Variants in GABRA1 observed in about 807,000 individuals in gnomAD.
The protein encoded by GABRA1 is gamma-aminobutyric acid receptor subunit alpha-1.
Under a neutral mutation model 48.9 loss-of-function variants are expected in GABRA1, and 9 were observed. The ratio of observed to expected loss-of-function variants is 0.18; its 90% CI spans 0.11 to 0.32. GABRA1 has a LOEUF of 0.32. Ranked by LOEUF, GABRA1 falls within the 10% of genes least tolerant of loss-of-function variation. GABRA1 has a pLI of 1.00. For synonymous variants in GABRA1, 210 were observed against 198.7 expected (o/e 1.06, Z -0.48); for missense variants, 285 against 553.8 (o/e 0.51, Z 4.87).
intron 4 of GABRA1, among the ~76,000 whole-genome samples, chr5:161,869,093 A>G (rs1321998571): frequency 6.6e-6 from 1 of 152,170 alleles, no homozygotes; most frequent in East Asian, 1.9e-4. Context: ...ATTACATTAT[A>G]GGAGAATTGT....
chr5:161,851,737 T>C (rs1316619791), intron 2 of GABRA1, among the ~76,000 whole-genome samples: 1 of 152,158 alleles, frequency 6.6e-6, no homozygotes, highest in Non-Finnish European at 1.5e-5. Context: ...TTTAGGAAGA[T>C]TTATTTTAAT....
intron 6 of GABRA1, among the ~76,000 whole-genome samples, chr5:161,876,201 T>A (rs1001191449): frequency 6.8e-6 from 1 of 146,534 alleles, no homozygotes; most frequent in South Asian, 2.2e-4. Flanking sequence ...ATATATATAT[T>A]AGTGCTCTTG....
intron 4 of GABRA1, among the ~76,000 whole-genome samples, chr5:161,866,029 A>T (rs2113355350): frequency 6.6e-6 from 1 of 152,206 alleles, no homozygotes; most frequent in Non-Finnish European, 1.5e-5. Context: ...TTTTTTAAAA[A>T]ATATTTTAAA....
At chr5:161,858,738 T>C (rs1757744526) in intron 3 of GABRA1, among the ~76,000 whole-genome samples, 1 of 151,804 alleles carries the variant, frequency 6.6e-6, no homozygotes, top group Non-Finnish European at 1.5e-5. Flanking sequence ...GAATGAGGTC[T>C]TGAGTCACAT....
rs1000648255 is a variant in GABRA1, at chr5:161,898,720, T to C, written c.*1298T>C. Reference sequence around the variant, plus strand: ...CACATTTCCCTATTTTAGGCTATTATAATATAGAAAGAAAATGGGAAGCAT... The same window carrying C: ...CACATTTCCCTATTTTAGGCTATTACAATATAGAAAGAAAATGGGAAGCAT... On this transcript the variant is annotated 3_prime_UTR_variant, in exon 10 of 10. Coordinates refer to ENST00000393943, the MANE Select transcript of GABRA1 (RefSeq NM_001127644.2). 1 of 152,538 alleles carries C rather than the reference T, an allele frequency of 6.6e-6. No individual in the cohort carries two copies. The highest frequency in any genetic ancestry group is 2.4e-5 in the African/African-American group (1 of 41,434). 9.4% of individuals were successfully genotyped at this position (152,538 alleles called of 1,614,324 possible).
At chr5:161,867,730 T>G (rs749214534) in intron 4 of GABRA1, among the ~76,000 whole-genome samples, 1 of 152,046 alleles carries the variant, frequency 6.6e-6, no homozygotes, top group Non-Finnish European at 1.5e-5. Flanking sequence ...ATCAAATACT[T>G]CCGCAGAGGC....
chr5:161,884,755 A>G (rs1754770568), intron 7 of GABRA1, among the ~76,000 whole-genome samples: 1 of 152,182 alleles, frequency 6.6e-6, no homozygotes, highest in African/African-American at 2.4e-5. Context: ...GCAGGCATAT[A>G]TGTATGAAGT....
chr5:161,848,082 C>T (rs2113279410), upstream of GABRA1: 1 of 152,318 alleles, frequency 6.6e-6, no homozygotes, highest in Non-Finnish European at 1.5e-5. Context: ...TACCACCTTC[C>T]TTTCTAAAAT....
rs1474858528 is a variant in GABRA1 at position 161,899,331 on chromosome 5, G to A, written c.*1909G>A. On this transcript the variant is annotated 3_prime_UTR_variant, in exon 10 of 10. Transcript: ENST00000393943. ...AATTTCACAAGCTAGGCCAATGAAG[G>A]CTGAATCAAAGACATTTCATCCACC... The A allele has an allele frequency of 6.6e-6, 1 of 152,534 alleles. No homozygotes were observed. Among genetic ancestry groups the A allele is most frequent in the Non-Finnish European group, 1.5e-5 (1 of 67,986 alleles). The allele number at this position is 152,534 out of a possible 1,614,324, so 9.4% of individuals were successfully genotyped here. A position where few individuals can be genotyped will look rare whatever the true frequency, so the allele number is the denominator to read the frequency against.
Position 161,875,548 on chromosome 5 carries a change from G to T in GABRA1, c.477-12G>T. On this transcript the variant is annotated splice_polypyrimidine_tract_variant and intron_variant, in intron 5 of 9. Transcript: ENST00000393943. ...TATATGGCTCTTGTTTGTATTCTATGTTTCCCTTAAGGCTGACAGTGAGAG... is the reference window on the plus strand; with the variant it reads ...TATATGGCTCTTGTTTGTATTCTATTTTTCCCTTAAGGCTGACAGTGAGAG... 1 of 1,608,626 alleles carries T rather than the reference G, an allele frequency of 6.2e-7. No individual in the cohort carries two copies. The highest frequency in any genetic ancestry group is 8.5e-7 in the Non-Finnish European group (1 of 1,175,222).
At chr5:161,889,967 A>G (rs912205179) in intron 7 of GABRA1, among the ~76,000 whole-genome samples, 2 of 152,076 alleles carry the variant, frequency 1.3e-5, no homozygotes, top group Non-Finnish European at 2.9e-5. Flanking sequence ...AAATTTAGGA[A>G]AAATTGGAGT....
At position 161,898,597 on chromosome 5, in the gene GABRA1, C is replaced by T. The variant is rs1755477964; in HGVS notation, c.*1175C>T. On this transcript the variant is annotated 3_prime_UTR_variant, in exon 10 of 10. Coordinates refer to ENST00000393943, the MANE Select transcript of GABRA1 (RefSeq NM_001127644.2). ...AGTATGAACCACATGGAACTTAAAA[C>T]ATATGGGTGTGAAGTCCACTTATGT... The T allele has an allele frequency of 6.6e-6, 1 of 152,182 alleles. No individual in the cohort carries two copies. Among genetic ancestry groups the T allele is most frequent in the Non-Finnish European group, 1.5e-5 (1 of 67,992 alleles). 9.4% of individuals were successfully genotyped at this position (152,182 alleles called of 1,614,324 possible).
chr5:161,888,655 T>A (rs58378304), intron 7 of GABRA1, among the ~76,000 whole-genome samples: 5 of 152,086 alleles, frequency 3.3e-5, no homozygotes, highest in African/African-American at 1.2e-4. Flanking sequence ...TAATAATGCA[T>A]GCCCCTGAGA....
Position 161,899,097 on chromosome 5 carries a change from C to T in GABRA1, c.*1675C>T, listed in dbSNP as rs1755503089. 1 of 152,456 alleles carries T rather than the reference C, an allele frequency of 6.6e-6. No individual in the cohort carries two copies. The allele number at this position is 152,456 out of a possible 1,614,324, so 9.4% of individuals were successfully genotyped here. Reference sequence around the variant, plus strand: ...GATATTTAAATTTAGTGCTCAGAATCCACAAGTCACGGTCTAAACACACTT... The same window carrying T: ...GATATTTAAATTTAGTGCTCAGAATTCACAAGTCACGGTCTAAACACACTT... On this transcript the variant is annotated 3_prime_UTR_variant, in exon 10 of 10. Coordinates refer to ENST00000393943, the MANE Select transcript of GABRA1 (RefSeq NM_001127644.2).
At chr5:161,862,981 T>C (rs1174582529) in intron 3 of GABRA1, among the ~76,000 whole-genome samples, 1 of 151,980 alleles carries the variant, frequency 6.6e-6, no homozygotes, top group East Asian at 1.9e-4. Flanking sequence ...CTACTTATTT[T>C]ACTACTCTGC....
intron 3 of GABRA1, among the ~76,000 whole-genome samples, chr5:161,856,701 T>G (rs2113317714): frequency 6.6e-6 from 1 of 151,474 alleles, no homozygotes; most frequent in East Asian, 1.9e-4. Context: ...TTGGAATTTT[T>G]TTTAATCCTT....
intron 7 of GABRA1, among the ~76,000 whole-genome samples, chr5:161,887,058 T>A (rs530473163): frequency 1.3e-5 from 2 of 152,098 alleles, no homozygotes; most frequent in Non-Finnish European, 2.9e-5. Context: ...CCAGAAAACA[T>A]TAATAATGTA....
intron 6 of GABRA1, among the ~76,000 whole-genome samples, chr5:161,880,300 G>T (rs564804143): frequency 4.6e-4 from 70 of 152,192 alleles, no homozygotes; most frequent in African/African-American, 1.6e-3. Context: ...TCTTAGGTAA[G>T]ATGCTTCCAT....
Position 161,875,272 on chromosome 5 carries a change from A to T in GABRA1, c.477-288A>T, listed in dbSNP as rs143884075. Among the ~76,000 whole-genome samples the T allele has an allele frequency of 1.8e-3, 278 of 152,326 alleles. 1 individual carries two copies. Among genetic ancestry groups the T allele is most frequent in the African/African-American group, 6.3e-3 (261 of 41,598 alleles). On this transcript the variant is annotated intron_variant, in intron 5 of 9. Coordinates refer to ENST00000393943, the MANE Select transcript of GABRA1 (RefSeq NM_001127644.2). ...GTGTTATTCTCAAACCATTTGCTAT[A>T]GCTGAGTGGATTAATTAATGGTCGT...
Sources: allele counts gnomAD v4.1 joint callset (sites outside exome capture counted in the v4.1 genomes callset), GRCh38; gene constraint gnomAD v4.1.1; transcripts MANE v1.5; gene names NCBI Gene and HGNC (gene_info 2026-07-23, HGNC 2026-07-21).